FGD4: variants seen among roughly 807,000 people sequenced by gnomAD.
FGD4 encodes the protein FYVE, RhoGEF and PH domain containing 4.
Under a neutral mutation model 102.0 loss-of-function variants are expected in FGD4, and 42 were observed. The observed-to-expected ratio is 0.41, with a 90% CI of 0.32 to 0.53. FGD4 has a LOEUF of 0.53. FGD4 is among the 20% of genes least tolerant of loss of function. The pLI is 0.21. For synonymous variants in FGD4, 380 were observed against 375.7 expected (o/e 1.01, Z -0.13); for missense variants, 902 against 1,078.2 (o/e 0.84, Z 2.29).
chr12:32,483,911 A>G (rs1380015395), intron 1 of FGD4, among the ~76,000 whole-genome samples: 2 of 152,192 alleles, frequency 1.3e-5, no homozygotes, highest in African/African-American at 4.8e-5. Context: ...CTTTCACTTC[A>G]TAAAGATCAG....
intron 1 of FGD4, among the ~76,000 whole-genome samples, chr12:32,510,741 G>C (rs1939275475): frequency 6.6e-6 from 1 of 152,012 alleles, no homozygotes; most frequent in African/African-American, 2.4e-5. Flanking sequence ...TATCACTGGT[G>C]GTATTTAAAT....
chr12:32,510,290 A>G (rs891427756), intron 1 of FGD4, among the ~76,000 whole-genome samples: 6 of 152,204 alleles, frequency 3.9e-5, no homozygotes, highest in African/African-American at 1.4e-4. Flanking sequence ...AAGTTATACA[A>G]CCATTAAAAC....
intron 5 of FGD4, among the ~76,000 whole-genome samples, chr12:32,598,877 C>T (rs528826639): frequency 6.6e-6 from 1 of 152,296 alleles, no homozygotes; most frequent in African/African-American, 2.4e-5. Context: ...CATTGTCATC[C>T]TGGGGACCAT....
intron 1 of FGD4, among the ~76,000 whole-genome samples, chr12:32,512,728 T>C (rs759361736): frequency 2.6e-5 from 4 of 152,160 alleles, no homozygotes; most frequent in Non-Finnish European, 5.9e-5. Context: ...AGGGAGCATA[T>C]ATGTTTTAAC....
Position 32,399,856 on chromosome 12 carries a change from C to T in FGD4, c.63C>T (p.Ser21=). 3 of 1,531,438 alleles carry T rather than the reference C, an allele frequency of 2.0e-6. No individual in the cohort carries two copies. The highest frequency in any genetic ancestry group is 2.6e-6 in the Non-Finnish European group (3 of 1,145,234). The allele number at this position is 1,531,438 out of a possible 1,614,324, so 94.9% of individuals were successfully genotyped here. A position where few individuals can be genotyped will look rare whatever the true frequency, so the allele number is the denominator to read the frequency against. The change falls in exon 1 of 17, where the codon TCC becomes TCT. Residue 21 remains serine, a synonymous_variant. Coordinates refer to ENST00000534526, the MANE Select transcript of FGD4 (RefSeq NM_001370298.3). ...RVAIRRKSNP[S]YLPPGVPRPW... ...CGATCCGGCGGAAGTCCAACCCCTC[C>T]TACCTGCCGCCCGGGGTGCCCCGGC...
At chr12:32,465,440 C>T (rs377754739) in intron 1 of FGD4, among the ~76,000 whole-genome samples, 251 of 152,026 alleles carry the variant, frequency 1.7e-3, no homozygotes, top group Middle Eastern at 0.01. Flanking sequence ...GAGGCTGAGG[C>T]GGGCAGATCA....
intron 1 of FGD4, among the ~76,000 whole-genome samples, chr12:32,534,966 G>GT (rs1263417609): frequency 6.6e-6 from 1 of 152,212 alleles, no homozygotes; most frequent in Non-Finnish European, 1.5e-5. Flanking sequence ...GTTCAGGGGA[G>GT]TAAGTATTAT....
intron 1 of FGD4, among the ~76,000 whole-genome samples, chr12:32,446,234 A>G (rs927022904): frequency 6.6e-6 from 1 of 152,222 alleles, no homozygotes; most frequent in African/African-American, 2.4e-5. Context: ...GGCCTAGACA[A>G]GGTAGGGTAG....
rs1950986755 is a variant in FGD4, at chr12:32,638,663, A to G, written c.2322A>G (p.Ser774=). ...KKRKGILEIE[S]AEVSGNSVVC... is the part of the protein sequence containing the mutation. ...CCATTATATTTTTCTAGATTGAATCAGCAGAAGTATCTGGAAACAGTGTGG... is the reference window on the plus strand; with the variant it reads ...CCATTATATTTTTCTAGATTGAATCGGCAGAAGTATCTGGAAACAGTGTGG... The change falls in exon 16 of 17, where the codon TCA becomes TCG. Residue 774 remains serine (S), a synonymous_variant. Transcript: ENST00000534526. 6.2e-7 allele frequency: 1 copy of G among 1,614,212 alleles called. No individual in the cohort carries two copies. Among genetic ancestry groups the G allele is most frequent in the South Asian group, 1.1e-5 (1 of 91,088 alleles).
intron 1 of FGD4, among the ~76,000 whole-genome samples, chr12:32,476,708 T>C (rs1006529109): frequency 6.6e-5 from 10 of 152,092 alleles, no homozygotes; most frequent in Non-Finnish European, 1.3e-4. Flanking sequence ...AGAACCTGTT[T>C]CTAATTAAAA....
intron 1 of FGD4, among the ~76,000 whole-genome samples, chr12:32,449,968 C>T (rs182239447): frequency 2.6e-5 from 4 of 151,682 alleles, no homozygotes; most frequent in African/African-American, 9.7e-5. Flanking sequence ...AGTCTTGCTC[C>T]GTCACCCAGG....
intron 1 of FGD4, chr12:32,486,128 T>C: frequency 6.5e-7 from 1 of 1,530,158 alleles, no homozygotes. Context: ...ATGAAAAGAA[T>C]CTTTTATGGG....
At chr12:32,407,120 TA>T (rs1940970543) in intron 1 of FGD4, among the ~76,000 whole-genome samples, 4 of 117,506 alleles carry the variant, frequency 3.4e-5, no homozygotes, top group African/African-American at 1.6e-4. Flanking sequence ...CAAGAAGCTG[TA>T]TTTTTTTTTT....
In FGD4 at chr12:32,645,121, A is replaced by G. The variant is rs1444747343; in HGVS notation, c.*4588A>G. 1.3e-5 allele frequency: 2 copies of G among 152,208 alleles called. No individual in the cohort carries two copies. Among genetic ancestry groups the G allele is most frequent in the African/African-American group, 4.8e-5 (2 of 41,466 alleles). The allele number at this position is 152,208 out of a possible 1,614,324, so 9.4% of individuals were successfully genotyped here. A position where few individuals can be genotyped will look rare whatever the true frequency, so the allele number is the denominator to read the frequency against. On this transcript the variant is annotated 3_prime_UTR_variant, in exon 17 of 17. Transcript: ENST00000534526. Reference sequence around the variant, plus strand: ...ATCAAGAAATCTCATATCATACTTTAATAAATAAATACCAAATACATAGTG... The same window carrying G: ...ATCAAGAAATCTCATATCATACTTTGATAAATAAATACCAAATACATAGTG...
chr12:32,556,350 T>C (rs1363843764), intron 1 of FGD4, among the ~76,000 whole-genome samples: 4 of 152,168 alleles, frequency 2.6e-5, no homozygotes, highest in African/African-American at 9.7e-5. Flanking sequence ...TTCACCACTA[T>C]CATCCACAGA....
intron 1 of FGD4, among the ~76,000 whole-genome samples, chr12:32,513,259 T>C (rs1239913701): frequency 1.3e-5 from 2 of 152,132 alleles, no homozygotes; most frequent in Non-Finnish European, 2.9e-5. Context: ...ACAGCACACA[T>C]AAAAGCTTGA....
At chr12:32,525,621 TG>T (rs1181515221) in intron 1 of FGD4, among the ~76,000 whole-genome samples, 16 of 152,210 alleles carry the variant, frequency 1.1e-4, no homozygotes, top group Non-Finnish European at 1.5e-4. Flanking sequence ...AGCCCCTTTC[TG>T]GGCTGGCCAA....
chr12:32,570,341 A>G (rs559276401), intron 2 of FGD4, among the ~76,000 whole-genome samples: 1 of 152,072 alleles, frequency 6.6e-6, no homozygotes, highest in East Asian at 1.9e-4. Context: ...TCCCTGAAAT[A>G]CTAATAAGTG....
Position 32,644,152 on chromosome 12 carries a change from T to C in FGD4, c.*3619T>C, listed in dbSNP as rs1951296031. On this transcript the variant is annotated 3_prime_UTR_variant, in exon 17 of 17. Coordinates refer to ENST00000534526, the MANE Select transcript of FGD4 (RefSeq NM_001370298.3). ...AAAAGTCAAGAATGTCTTAATGTTT[T>C]CATTCTTAAATTTTGTATTCTCCAA... The C allele has an allele frequency of 6.6e-6, 1 of 152,178 alleles. No individual in the cohort carries two copies. The highest frequency in any genetic ancestry group is 1.5e-5 in the Non-Finnish European group (1 of 67,994). 9.4% of individuals were successfully genotyped at this position (152,178 alleles called of 1,614,324 possible). A position where few individuals can be genotyped will look rare whatever the true frequency, so the allele number is the denominator to read the frequency against.
Sources: allele counts gnomAD v4.1 joint callset (sites outside exome capture counted in the v4.1 genomes callset), GRCh38; gene constraint gnomAD v4.1.1; transcripts MANE v1.5; gene names NCBI Gene and HGNC (gene_info 2026-07-23, HGNC 2026-07-21).